COL26A1: variants seen among roughly 807,000 people sequenced by gnomAD.
The protein encoded by COL26A1 is collagen alpha-1(XXVI) chain.
Under a neutral mutation model 59.3 loss-of-function variants are expected in COL26A1, and 41 were observed. That is an observed-to-expected ratio of 0.69 (90% CI 0.54 to 0.90). The LOEUF (loss-of-function observed/expected upper bound fraction) is 0.90. Among genes scored for constraint, COL26A1 ranks in the 40% least tolerant of loss-of-function variants. COL26A1 has a pLI of 0.00. For missense variants in COL26A1, 612 were observed against 602.3 expected, an observed-to-expected ratio of 1.02 and a Z score of -0.17; for synonymous variants, 266 against 256.0, an observed-to-expected ratio of 1.04 and a Z score of -0.37.
chr7:101,460,588 C>T (rs35170388), intron 3 of COL26A1, among the ~76,000 whole-genome samples: 4,851 of 152,066 alleles, frequency 0.032, 104 homozygotes, highest in Middle Eastern at 0.054. Context: ...TGAGACCATC[C>T]TGGCCAACAT....
intron 3 of COL26A1, among the ~76,000 whole-genome samples, chr7:101,469,059 C>G (rs1017789822): frequency 6.6e-6 from 1 of 152,174 alleles, no homozygotes. Flanking sequence ...TCTGGCAGAG[C>G]GCATCAGCAG....
At chr7:101,550,726 C>T (rs902588476) in intron 9 of COL26A1, among the ~76,000 whole-genome samples, 1 of 152,086 alleles carries the variant, frequency 6.6e-6, no homozygotes, top group African/African-American at 2.4e-5. Context: ...GACAGCTGGA[C>T]ACGGGCCTGG....
intron 3 of COL26A1, among the ~76,000 whole-genome samples, chr7:101,450,699 T>C (rs1443105930): frequency 6.7e-6 from 1 of 148,346 alleles, no homozygotes; most frequent in Non-Finnish European, 1.5e-5. Context: ...TAATATATAT[T>C]CTATATTCAA....
At chr7:101,395,177 A>T (rs937418071) in intron 1 of COL26A1, among the ~76,000 whole-genome samples, 1 of 152,062 alleles carries the variant, frequency 6.6e-6, no homozygotes, top group Admixed American at 6.6e-5. Context: ...CCAGCCCCAT[A>T]AAGCAGTTTC....
At chr7:101,468,676 T>TA (rs1193923918) in intron 3 of COL26A1, among the ~76,000 whole-genome samples, 2 of 152,196 alleles carry the variant, frequency 1.3e-5, no homozygotes, top group African/African-American at 4.8e-5. Flanking sequence ...GTTCGGTGGT[T>TA]AAACCGTAAA....
Position 101,493,914 on chromosome 7 carries a change from C to T in COL26A1, c.386-39168C>T, listed in dbSNP as rs368351644. On this transcript the variant is annotated intron_variant, in intron 3 of 12. Transcript: ENST00000313669. ...TGCCTCTGCACTCCAGCCTGGGCAACAGAGCGAGACTCTGTCTCAAAAAAA... is the reference window on the plus strand; with the variant it reads ...TGCCTCTGCACTCCAGCCTGGGCAATAGAGCGAGACTCTGTCTCAAAAAAA... 9.2e-5 allele frequency among the ~76,000 whole-genome samples: 13 copies of T among 141,584 alleles called. 1 individual carries two copies. The highest frequency in any genetic ancestry group is 8.0e-4 in the Admixed American group (11 of 13,822). 92.9% of individuals were successfully genotyped at this position (141,584 alleles called of 152,430 possible).
rs116205361 is a variant in COL26A1 at position 101,407,779 on chromosome 7, C to A, written c.159-12198C>A. On this transcript the variant is annotated intron_variant, in intron 1 of 12. Transcript: ENST00000313669. ...CCATGGCAACACCCAGAAGTTACAG[C>A]CCCTTTCCATGGCAATGACCTGATA... 3.6e-3 allele frequency among the ~76,000 whole-genome samples: 553 copies of A among 152,160 alleles called. 7 individuals are homozygous for A. The highest frequency in any genetic ancestry group is 0.012 in the African/African-American group (513 of 41,534).
chr7:101,515,310 C>T (rs1244093403), intron 3 of COL26A1, among the ~76,000 whole-genome samples: 1 of 152,034 alleles, frequency 6.6e-6, no homozygotes, highest in African/African-American at 2.4e-5. Context: ...GACAGGGTCT[C>T]AACAGAGACT....
intron 1 of COL26A1, among the ~76,000 whole-genome samples, chr7:101,372,870 C>T (rs1791226561): frequency 6.6e-6 from 1 of 152,100 alleles, no homozygotes; most frequent in Admixed American, 6.5e-5. Flanking sequence ...TGGAACACAC[C>T]TGTAGTCTCA....
chr7:101,400,393 ACT>A (rs1160604641), intron 1 of COL26A1, among the ~76,000 whole-genome samples: 3 of 108,472 alleles, frequency 2.8e-5, no homozygotes, highest in Non-Finnish European at 5.1e-5. Flanking sequence ...ATGGAGTCTC[ACT>A]CTGTCACCCA....
At chr7:101,418,241 C>T (rs1399501127) in intron 1 of COL26A1, among the ~76,000 whole-genome samples, 1 of 152,088 alleles carries the variant, frequency 6.6e-6, no homozygotes, top group South Asian at 2.1e-4. Context: ...TGGTGGTCCC[C>T]TAACCAATCT....
At position 101,544,030 on chromosome 7, in the gene COL26A1, G is replaced by C. The variant is rs764856083; in HGVS notation, c.637G>C (p.Ala213Pro). 1.3e-6 allele frequency: 2 copies of C among 1,596,466 alleles called. No individual in the cohort carries two copies. Among genetic ancestry groups the C allele is most frequent in the East Asian group, 4.5e-5 (2 of 44,260 alleles). Residue 213 changes from alanine (A) to proline (P), a missense_variant, in exon 6 of 13, where the codon GCA becomes CCA. By Grantham distance (27) the Ala-to-Pro change is conservative. Coordinates refer to ENST00000313669, the MANE Select transcript of COL26A1 (RefSeq NM_001278563.3). Reference protein sequence around the residue: ...PPGQTGPPGPAGPPGSKGDRG... With the variant: ...PPGQTGPPGPPGPPGSKGDRG... ...GGGGCAGACAGGACCACCAGGGCCTGCAGGCCCCCCCGGGTCTAAAGGTGA... is the reference window on the plus strand; with the variant it reads ...GGGGCAGACAGGACCACCAGGGCCTCCAGGCCCCCCCGGGTCTAAAGGTGA...
intron 3 of COL26A1, among the ~76,000 whole-genome samples, chr7:101,491,737 G>T (rs1794465235): frequency 6.6e-6 from 1 of 152,274 alleles, no homozygotes; most frequent in Non-Finnish European, 1.5e-5. Context: ...CGCCATCTTG[G>T]TTTTGGTGGG....
chr7:101,406,399 C>T (rs564631766), intron 1 of COL26A1, among the ~76,000 whole-genome samples: 93 of 152,236 alleles, frequency 6.1e-4, no homozygotes, highest in Middle Eastern at 3.4e-3. Context: ...GGTGTTGAGG[C>T]GGATGAGTGA....
chr7:101,419,829 C>A, intron 1 of COL26A1, 148 bp from the exon 2 acceptor site: 2 of 752,172 alleles, frequency 2.7e-6, no homozygotes, highest in Non-Finnish European at 4.4e-6. Flanking sequence ...CAGACCGAGA[C>A]AGAGGGTCTC....
intron 7 of COL26A1, among the ~76,000 whole-genome samples, chr7:101,546,820 G>A (rs1050976272): frequency 1.3e-5 from 2 of 152,190 alleles, no homozygotes; most frequent in Non-Finnish European, 2.9e-5. Context: ...GGTGCAGCAG[G>A]ATGGGCCTGT....
At chr7:101,442,185 G>A (rs1268857384) in intron 2 of COL26A1, among the ~76,000 whole-genome samples, 3 of 151,828 alleles carry the variant, frequency 2.0e-5, no homozygotes, top group Non-Finnish European at 2.9e-5. Context: ...TCTCGTAGTC[G>A]GAAGACCATT....
At chr7:101,437,451 C>T (rs1419079645) in intron 2 of COL26A1, among the ~76,000 whole-genome samples, 11 of 114,296 alleles carry the variant, frequency 9.6e-5, no homozygotes, top group African/African-American at 2.9e-4. Context: ...CTGAATCGGG[C>T]GGAGTTCTGA....
intron 3 of COL26A1, among the ~76,000 whole-genome samples, chr7:101,504,366 G>T (rs1219902849): frequency 1.3e-5 from 2 of 152,140 alleles, no homozygotes; most frequent in Non-Finnish European, 2.9e-5. Flanking sequence ...CTCCCAAACT[G>T]CTGGGATTAC....
Sources: gnomAD v4.1 joint callset for allele counts (sites outside exome capture counted in the v4.1 genomes callset) on GRCh38, gnomAD v4.1.1 for gene constraint, MANE v1.5 for transcripts, NCBI Gene and HGNC (gene_info 2026-07-23, HGNC 2026-07-21) for gene names.